SLC12A2: variants seen among roughly 807,000 people sequenced by gnomAD.
SLC12A2 encodes solute carrier family 12 member 2.
In SLC12A2, 67 loss-of-function variants were observed where a neutral mutation model predicts 136.3. That is an observed-to-expected ratio of 0.49 (90% CI 0.40 to 0.60). The LOEUF (loss-of-function observed/expected upper bound fraction) is 0.60, where lower values mean the gene tolerates loss of function less well. Ranked by LOEUF, SLC12A2 falls within the 20% of genes least tolerant of loss-of-function variation. The probability of loss-of-function intolerance (pLI) is 0.00; values close to 1 mark genes in which losing one functional copy is unlikely to be tolerated. For synonymous variants in SLC12A2, 619 were observed against 562.9 expected, an observed-to-expected ratio of 1.10 and a Z score of -1.41; for missense variants, 1,322 against 1,534.7, an observed-to-expected ratio of 0.86 and a Z score of 2.32.
chr5:128,157,478 T>C (rs1037783061), intron 15 of SLC12A2, among the ~76,000 whole-genome samples: 4 of 152,180 alleles, frequency 2.6e-5, no homozygotes, highest in Non-Finnish European at 5.9e-5. Context: ...GTCATTAATG[T>C]TAAGCTAGAT....
At chr5:128,120,698 G>T (rs962445320) in intron 4 of SLC12A2, among the ~76,000 whole-genome samples, 16 of 152,038 alleles carry the variant, frequency 1.1e-4, no homozygotes, top group African/African-American at 3.4e-4. Context: ...ATCACACTCT[G>T]GGGACTGTTG....
At chr5:128,094,318 TTACC>T (rs1241405199) in intron 1 of SLC12A2, among the ~76,000 whole-genome samples, 3 of 151,812 alleles carry the variant, frequency 2.0e-5, no homozygotes, top group Admixed American at 6.6e-5. Flanking sequence ...CAAAAGAATC[TTACC>T]TACCTTATAT....
At position 128,178,628 on chromosome 5, in the gene SLC12A2, A is replaced by C; in HGVS notation, c.3039A>C (p.Thr1013=). 1.9e-6 allele frequency: 3 copies of C among 1,602,224 alleles called. No individual in the cohort carries two copies. The highest frequency in any genetic ancestry group is 2.6e-6 in the Non-Finnish European group (3 of 1,173,534). The change falls in exon 22 of 27, where the codon ACA becomes ACC. Residue 1013 remains threonine, a synonymous_variant. Coordinates refer to ENST00000262461, the MANE Select transcript of SLC12A2 (RefSeq NM_001046.3). ...VADQKLLEAS[T]QFQKKQGKNT... ...ACCAAAAGCTTCTTGAAGCTAGTAC[A>C]CAGTTTCAGAAAAAACAAGGAAAGA...
chr5:128,089,084 C>A (rs1760209038), intron 1 of SLC12A2, among the ~76,000 whole-genome samples: 1 of 151,306 alleles, frequency 6.6e-6, no homozygotes, highest in South Asian at 2.1e-4. Context: ...AGGAGAATTG[C>A]TTGAACCCAG....
chr5:128,104,521 A>C (rs1760858040), intron 1 of SLC12A2, among the ~76,000 whole-genome samples: 1 of 151,996 alleles, frequency 6.6e-6, no homozygotes, highest in South Asian at 2.1e-4. Flanking sequence ...AATCCCAGCT[A>C]CTTGGGAGGC....
chr5:128,115,854 A>G (rs892412511), intron 4 of SLC12A2, among the ~76,000 whole-genome samples: 3 of 152,186 alleles, frequency 2.0e-5, no homozygotes, highest in African/African-American at 7.2e-5. Context: ...TTGTCTTTAT[A>G]TGTTTTAGAC....
At chr5:128,170,593 A>G (rs902345616) in intron 18 of SLC12A2, 19 of 152,172 alleles carry the variant, frequency 1.2e-4, no homozygotes, top group Admixed American at 6.6e-4. Context: ...TACTTGTGCA[A>G]TGAAAAATAA....
At chr5:128,166,805 ATTTT>A (rs908127150) in intron 17 of SLC12A2, among the ~76,000 whole-genome samples, 2 of 151,830 alleles carry the variant, frequency 1.3e-5, no homozygotes, top group African/African-American at 2.4e-5. Context: ...TAAAATGACA[ATTTT>A]TTTTATTTAT....
chr5:128,176,180 T>C (rs1028774436), intron 20 of SLC12A2, among the ~76,000 whole-genome samples: 3 of 152,090 alleles, frequency 2.0e-5, no homozygotes, highest in African/African-American at 7.2e-5. Flanking sequence ...AAATACTTTC[T>C]GCCAGGCCCA....
Position 128,084,190 on chromosome 5 carries a change from G to A in SLC12A2, c.236G>A (p.Ser79Asn), listed in dbSNP as rs1406811078. Residue 79 changes from serine to asparagine, a missense_variant, in exon 1 of 27, where the codon AGC becomes AAC. Physicochemically the swap from Ser to Asn is conservative, Grantham distance 46. Coordinates refer to ENST00000262461, the MANE Select transcript of SLC12A2 (RefSeq NM_001046.3). This position sits in a 1 kb window ranked among gnomAD's most constrained non-coding sequence, Gnocchi z 5.6. ...CCCTTGGGGCCCACCCCGAGCCAGA[G>A]CCGTTTCCAGGTGGACCTGGTTTCC... ...GRPLGPTPSQ[S>N]RFQVDLVSEN... The A allele has an allele frequency of 1.5e-6, 2 of 1,292,664 alleles. No individual in the cohort carries two copies. Among genetic ancestry groups the A allele is most frequent in the Non-Finnish European group, 1.9e-6 (2 of 1,029,018 alleles). 80.1% of individuals were successfully genotyped at this position (1,292,664 alleles called of 1,614,324 possible).
At chr5:128,135,228 T>A (rs1762147715) in intron 6 of SLC12A2, among the ~76,000 whole-genome samples, 1 of 152,092 alleles carries the variant, frequency 6.6e-6, no homozygotes, top group Admixed American at 6.5e-5. Flanking sequence ...TATTGTCATC[T>A]TCTTTCTGTA....
chr5:128,151,703 T>C (rs1762708683), intron 14 of SLC12A2, among the ~76,000 whole-genome samples: 1 of 152,134 alleles, frequency 6.6e-6, no homozygotes, highest in African/African-American at 2.4e-5. Context: ...CTGCACTCGG[T>C]ATATTTTTAA....
chr5:128,124,826 C>G (rs1476343863), intron 4 of SLC12A2, among the ~76,000 whole-genome samples: 3 of 151,996 alleles, frequency 2.0e-5, no homozygotes, highest in Non-Finnish European at 4.4e-5. Context: ...TGCTAACCCT[C>G]TAATCACATA....
intron 1 of SLC12A2, chr5:128,110,047 G>A (rs1761086574): frequency 2.9e-6 from 3 of 1,036,288 alleles, no homozygotes; most frequent in Non-Finnish European, 4.6e-6. Flanking sequence ...CAGAGGCAGA[G>A]CCTGTGTCAC....
chr5:128,139,071 A>G (rs1243675318), intron 9 of SLC12A2, among the ~76,000 whole-genome samples, 163 bp downstream of exon 9: 1 of 152,184 alleles, frequency 6.6e-6, no homozygotes, highest in Non-Finnish European at 1.5e-5. Flanking sequence ...TTAGAAAACT[A>G]GTAATGACTT....
In SLC12A2 at chr5:128,186,819, T is replaced by C; in HGVS notation, c.*188T>C. 2.0e-6 allele frequency: 1 copy of C among 488,298 alleles called. No individual in the cohort carries two copies. Among genetic ancestry groups the C allele is most frequent in the Non-Finnish European group, 3.6e-6 (1 of 279,356 alleles). 30.2% of individuals were successfully genotyped at this position (488,298 alleles called of 1,614,324 possible). ...GTATGGAGACTTCGGTTTTAGTCAA[T>C]TCCATATCTCAATCTTAATGGTGAT... On this transcript the variant is annotated 3_prime_UTR_variant, in exon 27 of 27. Transcript: ENST00000262461.
At chr5:128,085,553 A>G (rs562526959) in intron 1 of SLC12A2, among the ~76,000 whole-genome samples, 1 of 152,202 alleles carries the variant, frequency 6.6e-6, no homozygotes, top group Non-Finnish European at 1.5e-5. Context: ...GTTCAATGTC[A>G]CTGTTTTGAG....
At chr5:128,090,263 G>A (rs915687003) in intron 1 of SLC12A2, among the ~76,000 whole-genome samples, 1 of 152,072 alleles carries the variant, frequency 6.6e-6, no homozygotes, top group Non-Finnish European at 1.5e-5. Context: ...TTAAAATGTA[G>A]CAAAAAATCA....
At chr5:128,100,229 A>C (rs1561656177) in intron 1 of SLC12A2, among the ~76,000 whole-genome samples, 1 of 152,226 alleles carries the variant, frequency 6.6e-6, no homozygotes. Context: ...AAACATCATT[A>C]TGTAGCACTC....
Sources: gnomAD v4.1 joint callset for allele counts (sites outside exome capture counted in the v4.1 genomes callset) on GRCh38, gnomAD v4.1.1 for gene constraint, Gnocchi (gnomAD v3.1) non-coding constraint, MANE v1.5 for transcripts, NCBI Gene and HGNC (gene_info 2026-07-23, HGNC 2026-07-21) for gene names.